Variants in CHCHD6 observed in about 807,000 individuals in gnomAD.
CHCHD6 encodes MICOS complex subunit MIC25.
A neutral mutation model predicts 32.3 loss-of-function variants in CHCHD6; 28 were observed. The observed-to-expected ratio is 0.87, with a 90% CI of 0.64 to 1.19. The LOEUF is 1.19. Ranked by LOEUF, CHCHD6 falls within the 50% of genes most tolerant of loss-of-function variation. The pLI is 0.00. For synonymous variants in CHCHD6, 122 were observed against 117.5 expected (o/e 1.04, Z -0.25); for missense variants, 333 against 307.0 (o/e 1.08, Z -0.63).
chr3:126,715,103 TA>T (rs1396055554), intron 1 of CHCHD6, among the ~76,000 whole-genome samples: 2 of 152,186 alleles, frequency 1.3e-5, no homozygotes, highest in Non-Finnish European at 2.9e-5. Context: ...TGGGGCTCCA[TA>T]AAGCAGTCGG....
At chr3:126,957,716 A>G in intron 7 of CHCHD6, 165 bp downstream of exon 7, 1 of 810,418 alleles carries the variant, frequency 1.2e-6, no homozygotes, top group South Asian at 1.6e-5. Flanking sequence ...TTCCTCAGTC[A>G]CCTGCACACT....
At chr3:126,843,752 C>A (rs1941192234) in intron 4 of CHCHD6, among the ~76,000 whole-genome samples, 1 of 152,170 alleles carries the variant, frequency 6.6e-6, no homozygotes, top group Non-Finnish European at 1.5e-5. Flanking sequence ...GTATGCTAGA[C>A]CACTTGATAT....
intron 4 of CHCHD6, among the ~76,000 whole-genome samples, chr3:126,741,590 C>T (rs1936289970): frequency 6.6e-6 from 1 of 152,302 alleles, no homozygotes; most frequent in East Asian, 1.9e-4. Context: ...TGCCTGACTT[C>T]CACACCTGGC....
At position 126,801,210 on chromosome 3, in the gene CHCHD6, G is replaced by A. The variant is rs553540480; in HGVS notation, c.412-51437G>A. Among the ~76,000 whole-genome samples, 197 of 152,348 alleles carry A rather than the reference G, an allele frequency of 1.3e-3. 2 individuals carry two copies. Among genetic ancestry groups the A allele is most frequent in the African/African-American group, 4.5e-3 (186 of 41,588 alleles). On this transcript the variant is annotated intron_variant, in intron 4 of 7. Coordinates refer to ENST00000290913, the MANE Select transcript of CHCHD6 (RefSeq NM_032343.3). ...TACTAGGGGGTGCCAGACAGTGGGCGCAGGACAGGCGGTGCAGCGCACCGT... is the reference window on the plus strand; with the variant it reads ...TACTAGGGGGTGCCAGACAGTGGGCACAGGACAGGCGGTGCAGCGCACCGT...
At chr3:126,789,365 C>A (rs1415417682) in intron 4 of CHCHD6, among the ~76,000 whole-genome samples, 1 of 152,132 alleles carries the variant, frequency 6.6e-6, no homozygotes, top group Admixed American at 6.5e-5. Flanking sequence ...GAGTTCAATT[C>A]CTGGGTATCC....
intron 5 of CHCHD6, among the ~76,000 whole-genome samples, chr3:126,897,894 G>T (rs2077863938): frequency 6.6e-6 from 1 of 152,202 alleles, no homozygotes; most frequent in Non-Finnish European, 1.5e-5. Context: ...ACAGTCCTGG[G>T]TTTTCTACCA....
chr3:126,754,611 C>T (rs890283101), intron 4 of CHCHD6, among the ~76,000 whole-genome samples: 1 of 152,218 alleles, frequency 6.6e-6, no homozygotes, highest in African/African-American at 2.4e-5. Context: ...CAGGCTGCCT[C>T]TAACAGCTCG....
At chr3:126,775,958 C>T (rs1464220531) in intron 4 of CHCHD6, among the ~76,000 whole-genome samples, 1 of 152,208 alleles carries the variant, frequency 6.6e-6, no homozygotes, top group Admixed American at 6.5e-5. Flanking sequence ...CATCGCCACA[C>T]AGGAGTGGGA....
At chr3:126,760,808 A>G (rs1488343597) in intron 4 of CHCHD6, among the ~76,000 whole-genome samples, 1 of 152,106 alleles carries the variant, frequency 6.6e-6, no homozygotes, top group Non-Finnish European at 1.5e-5. Flanking sequence ...GAGTGCAAAT[A>G]TCTCTTCAAG....
chr3:126,761,851 T>A (rs1051413168), intron 4 of CHCHD6, among the ~76,000 whole-genome samples: 4 of 152,240 alleles, frequency 2.6e-5, no homozygotes, highest in Admixed American at 1.3e-4. Context: ...TTTTGAAATG[T>A]TCTATTTATT....
chr3:126,804,865 C>T (rs1210622087), intron 4 of CHCHD6, among the ~76,000 whole-genome samples: 1 of 152,038 alleles, frequency 6.6e-6, no homozygotes, highest in Non-Finnish European at 1.5e-5. Flanking sequence ...ATCAAGTGGG[C>T]TTCATCCCTG....
chr3:126,828,167 T>G (rs1361464838), intron 4 of CHCHD6, among the ~76,000 whole-genome samples: 1 of 152,164 alleles, frequency 6.6e-6, no homozygotes, highest in Admixed American at 6.5e-5. Flanking sequence ...GACTGTGTGT[T>G]TTCCCTGGAA....
Position 126,722,975 on chromosome 3 carries a change from C to T in CHCHD6, c.88-4103C>T, listed in dbSNP as rs142899241. 2.8e-4 allele frequency among the ~76,000 whole-genome samples: 43 copies of T among 151,818 alleles called. No homozygotes were observed. The East Asian group carries it at 8.1e-3, about 29-fold the overall frequency. ...GTCTCGGATCTGTTTTGTATTAATT[C>T]TTGTATATGGTGTAAGGTAGGTGTG... is the stretch of plus-strand genomic sequence containing the variant. On this transcript the variant is annotated intron_variant, in intron 1 of 7. Transcript: ENST00000290913.
chr3:126,747,179 T>A lies in CHCHD6; in HGVS notation c.411+13957T>A, dbSNP rs374196522. ...CTCCTTTCTCCCTCTCGGGAGCTGC[T>A]GGTGATGCCTCAGTTTCTCTAACTG... On this transcript the variant is annotated intron_variant, in intron 4 of 7. Transcript: ENST00000290913. 2.0e-5 allele frequency among the ~76,000 whole-genome samples: 3 copies of A among 152,230 alleles called. No individual in the cohort carries two copies. The South Asian group carries it at 6.2e-4, about 32-fold the overall frequency.
intron 4 of CHCHD6, among the ~76,000 whole-genome samples, chr3:126,792,405 G>C (rs77176787): frequency 0.03 from 4,600 of 151,966 alleles, 97 homozygotes; most frequent in Non-Finnish European, 0.039. Context: ...CATGCACAGG[G>C]GTGCCAGTTT....
intron 4 of CHCHD6, among the ~76,000 whole-genome samples, chr3:126,734,095 T>C (rs945981957): frequency 2.6e-5 from 4 of 152,202 alleles, no homozygotes; most frequent in African/African-American, 9.6e-5. Flanking sequence ...CAGGGATAAC[T>C]TTCCTAGAAG....
At chr3:126,948,108 G>A (rs1262464787) in intron 6 of CHCHD6, among the ~76,000 whole-genome samples, 1 of 152,184 alleles carries the variant, frequency 6.6e-6, no homozygotes, top group African/African-American at 2.4e-5. Flanking sequence ...GGTCATTCCT[G>A]CCCATCCCCG....
chr3:126,766,776 G>GA, intron 4 of CHCHD6: 1 of 1,127,256 alleles, frequency 8.9e-7, no homozygotes, highest in Non-Finnish European at 1.4e-6. Flanking sequence ...TGGCCCCCTG[G>GA]AAAAACAGAC....
chr3:126,838,881 C>T (rs1940962540), intron 4 of CHCHD6, among the ~76,000 whole-genome samples: 1 of 151,338 alleles, frequency 6.6e-6, no homozygotes, highest in African/African-American at 2.4e-5. Flanking sequence ...CATTTTATTC[C>T]TTCTTTTTTC....
Sources: gnomAD v4.1 joint callset for allele counts (sites outside exome capture counted in the v4.1 genomes callset) on GRCh38, gnomAD v4.1.1 for gene constraint, MANE v1.5 for transcripts, NCBI Gene and HGNC (gene_info 2026-07-23, HGNC 2026-07-21) for gene names.